TMEM201: variants seen among roughly 807,000 people sequenced by gnomAD.
The protein encoded by TMEM201 is RP13-15M17.2.
A neutral mutation model predicts 63.4 loss-of-function variants in TMEM201; 26 were observed. The observed-to-expected ratio is 0.41, with a 90% confidence interval of 0.30 to 0.57. The LOEUF is 0.57. Among genes scored for constraint, TMEM201 ranks in the 20% least tolerant of loss-of-function variants. TMEM201 has a pLI of 0.29. For missense variants in TMEM201, 794 were observed against 917.7 expected (o/e 0.87, Z 1.74); for synonymous variants, 417 against 421.6 (o/e 0.99, Z 0.14).
rs964228430 is a variant in TMEM201 at position 9,614,282 on chromosome 1, T to C, written c.*1199T>C. 7 of 152,058 alleles carry C rather than the reference T, an allele frequency of 4.6e-5. No homozygotes were observed. The highest frequency in any genetic ancestry group is 1.0e-4 in the Non-Finnish European group (7 of 68,006). The allele number at this position is 152,058 out of a possible 1,614,324, so 9.4% of individuals were successfully genotyped here. A position where few individuals can be genotyped will look rare whatever the true frequency, so the allele number is the denominator to read the frequency against. Reference sequence around the variant, plus strand: ...CATTCAGGGATAAAGTTTAATTTTATTTTTCTACACATTTTGCCAGGTCAG... The same window carrying C: ...CATTCAGGGATAAAGTTTAATTTTACTTTTCTACACATTTTGCCAGGTCAG... On this transcript the variant is annotated 3_prime_UTR_variant, in exon 11 of 11. Coordinates refer to ENST00000340381, the MANE Select transcript of TMEM201 (RefSeq NM_001130924.3).
intron 7 of TMEM201, 88 bp from the exon 8 acceptor site, chr1:9,609,751 GC>G: frequency 7.8e-7 from 1 of 1,289,996 alleles, no homozygotes; most frequent in East Asian, 2.5e-5. Context: ...AAGAGCAAAG[GC>G]TGGATTGGGA....
At chr1:9,602,427 C>A in intron 6 of TMEM201, 155 bp downstream of exon 6, 1 of 1,458,942 alleles carries the variant, frequency 6.9e-7, no homozygotes, top group South Asian at 1.4e-5. Context: ...GGCCCAGTCC[C>A]TCCACTGCCT....
chr1:9,604,400 A>G lies in TMEM201; in HGVS notation c.1160+2128A>G, dbSNP rs1644205402. The stretch of plus-strand genomic sequence containing the variant: ...CCTGCCTTTCGTAGAGTTTTGTGTG[A>G]CTTTTTAAATTATTCATGTGTCCCT... On this transcript the variant is annotated intron_variant, in intron 6 of 10. Coordinates refer to ENST00000340381, the MANE Select transcript of TMEM201 (RefSeq NM_001130924.3). The surrounding 1 kb of genome is among the most constrained non-coding windows in gnomAD (Gnocchi z 4.1). 1.0e-6 allele frequency: 1 copy of G among 985,190 alleles called. No homozygotes were observed. The highest frequency in any genetic ancestry group is 6.2e-5 in the Admixed American group (1 of 16,260). 61.0% of individuals were successfully genotyped at this position (985,190 alleles called of 1,614,324 possible).
Position 9,607,784 on chromosome 1 carries a change from G to A in TMEM201, c.1388G>A (p.Arg463Gln), listed in dbSNP as rs951260016. The A allele has an allele frequency of 3.0e-5, 47 of 1,551,326 alleles. No individual in the cohort carries two copies. The highest frequency in any genetic ancestry group is 3.9e-5 in the Non-Finnish European group (45 of 1,146,984). ...CTGGGAACCATACCCTCTCTGACTC[G>A]AGCAGGTAAGGGGTGCCCAGGCATT... ...LSLGTIPSLT[R>Q]ADSGYLFSGS... is the part of the protein sequence containing the mutation. Residue 463 changes from arginine (R) to glutamine (Q), a missense_variant, in exon 7 of 11, where the codon CGA becomes CAA. Physicochemically the swap from Arg to Gln is conservative, Grantham distance 43 (BLOSUM62 1). Transcript: ENST00000340381. This position sits in a 1 kb window ranked among gnomAD's most constrained non-coding sequence, Gnocchi z 5.4.
At position 9,603,202 on chromosome 1, in the gene TMEM201, G is replaced by A. The variant is rs1644180046; in HGVS notation, c.1160+930G>A. ...CTCTGTCCTCCGACTCAGGTGAGGG[G>A]GCAGCCCACAGACCTGCTCCTCAGT... On this transcript the variant is annotated intron_variant, in intron 6 of 10. Transcript: ENST00000340381. This position sits in a 1 kb window ranked among gnomAD's most constrained non-coding sequence, Gnocchi z 4.5. The A allele has an allele frequency of 1.0e-6, 1 of 985,362 alleles. No individual in the cohort carries two copies. 61.0% of individuals were successfully genotyped at this position (985,362 alleles called of 1,614,324 possible). A position where few individuals can be genotyped will look rare whatever the true frequency, so the allele number is the denominator to read the frequency against.
At position 9,602,139 on chromosome 1, in the gene TMEM201, C is replaced by T; in HGVS notation, c.1027C>T (p.His343Tyr). 6.2e-7 allele frequency: 1 copy of T among 1,612,994 alleles called. No homozygotes were observed. The highest frequency in any genetic ancestry group is 8.5e-7 in the Non-Finnish European group (1 of 1,179,994). ...GCTGGGGCTGCACCTGGCTGAGCAG[C>T]ACCTGCAGGCCGCCTCGCCTAGCTG... The part of the protein sequence containing the change: ...LLLGLHLAEQ[H>Y]LQAASPSWLD... The change falls in exon 6 of 11, where the codon CAC becomes TAC. Residue 343 changes from histidine to tyrosine, a missense_variant. By Grantham distance (83) the His-to-Tyr change is moderately conservative. Coordinates refer to ENST00000340381, the MANE Select transcript of TMEM201 (RefSeq NM_001130924.3).
At chr1:9,590,005 G>A (rs1165411057) in intron 1 of TMEM201, among the ~76,000 whole-genome samples, 2 of 152,182 alleles carry the variant, frequency 1.3e-5, no homozygotes, top group Non-Finnish European at 2.9e-5. Flanking sequence ...AACACATACC[G>A]GTGCTGCTTC....
intron 10 of TMEM201, among the ~76,000 whole-genome samples, chr1:9,612,333 A>T (rs1383760128): frequency 1.3e-5 from 2 of 152,176 alleles, no homozygotes; most frequent in East Asian, 3.9e-4. Flanking sequence ...TGCAGCCTGC[A>T]CCGGGTGCCG....
intron 1 of TMEM201, 32 bp from the exon 2 acceptor site, chr1:9,595,858 C>T: frequency 6.2e-7 from 1 of 1,611,152 alleles, no homozygotes; most frequent in Non-Finnish European, 8.5e-7. Flanking sequence ...CTGGGGTCTT[C>T]CAGGCCAACC....
At chr1:9,594,097 C>G (rs560463005) in intron 1 of TMEM201, among the ~76,000 whole-genome samples, 1 of 152,260 alleles carries the variant, frequency 6.6e-6, no homozygotes, top group Non-Finnish European at 1.5e-5. Flanking sequence ...CTGTAGGATC[C>G]TCACAGTGGC....
chr1:9,589,448 C>T (rs1569897792), intron 1 of TMEM201, among the ~76,000 whole-genome samples: 1 of 152,378 alleles, frequency 6.6e-6, no homozygotes, highest in East Asian at 1.9e-4. Context: ...CTACACGCCT[C>T]GCATCCGCGC....
rs2100535199 is a variant in TMEM201, at chr1:9,613,621, G to A, written c.*538G>A. 6.5e-6 allele frequency: 1 copy of A among 153,454 alleles called. No individual in the cohort carries two copies. Among genetic ancestry groups the A allele is most frequent in the East Asian group, 1.9e-4 (1 of 5,194 alleles). 9.5% of individuals were successfully genotyped at this position (153,454 alleles called of 1,614,324 possible). On this transcript the variant is annotated 3_prime_UTR_variant, in exon 11 of 11. Transcript: ENST00000340381. ...CTTGCCCCTTCCTGTGGAGTGGGCA[G>A]AAGGGCTCCCGGGATCCTCAGAGCT... is the stretch of plus-strand genomic sequence containing the variant.
Position 9,589,007 on chromosome 1 carries a change from C to A in TMEM201, c.77C>A (p.Ala26Asp). ...GGCGGCCTGGGGGTCACGGCGTGCG[C>A]CGCGGCCGGCGTGTTGCTCTACCGG... ...LAGGLGVTAC[A>D]AAGVLLYRIA... The change falls in exon 1 of 11, where the codon GCC becomes GAC. Residue 26 changes from alanine (A) to aspartate (D), a missense_variant. Physicochemically the swap from Ala to Asp is moderately radical, Grantham distance 126. Coordinates refer to ENST00000340381, the MANE Select transcript of TMEM201 (RefSeq NM_001130924.3). 1 of 1,178,700 alleles carries A rather than the reference C, an allele frequency of 8.5e-7. No homozygotes were observed. The highest frequency in any genetic ancestry group is 1.1e-6 in the Non-Finnish European group (1 of 947,990). The allele number at this position is 1,178,700 out of a possible 1,614,324, so 73.0% of individuals were successfully genotyped here.
In TMEM201 at chr1:9,610,787, G is replaced by A; in HGVS notation, c.1747G>A (p.Asp583Asn). Residue 583 changes from aspartate to asparagine, a missense_variant, in exon 9 of 11, where the codon GAC becomes AAC. By Grantham distance (23) the Asp-to-Asn change is conservative. Transcript: ENST00000340381. This position sits in a 1 kb window ranked among gnomAD's most constrained non-coding sequence, Gnocchi z 4.9. ...TGTTCCCCGGAAGCCGCCCCTGCAG[G>A]ACGTGAAGCACGCCCTGGGTACGGC... Reference protein sequence around the residue: ...PHVPRKPPLQDVKHALDLRSK... With the variant: ...PHVPRKPPLQNVKHALDLRSK... 1 of 1,543,840 alleles carries A rather than the reference G, an allele frequency of 6.5e-7. No individual in the cohort carries two copies. The highest frequency in any genetic ancestry group is 8.8e-7 in the Non-Finnish European group (1 of 1,142,088).
chr1:9,594,325 G>A (rs906602868), intron 1 of TMEM201, among the ~76,000 whole-genome samples: 2 of 152,196 alleles, frequency 1.3e-5, no homozygotes, highest in Non-Finnish European at 2.9e-5. Context: ...GCTTGGGCCT[G>A]TGCTGGGGCA....
At chr1:9,600,937 C>T (rs1003028573) in intron 4 of TMEM201, among the ~76,000 whole-genome samples, 168 bp from the exon 5 acceptor site, 16 of 152,098 alleles carry the variant, frequency 1.1e-4, no homozygotes, top group African/African-American at 2.7e-4. Flanking sequence ...CACTCCTCCC[C>T]GCCCAGAAGT....
intron 4 of TMEM201, 31 bp from the exon 5 acceptor site, chr1:9,601,074 T>C: frequency 1.3e-6 from 2 of 1,551,378 alleles, no homozygotes; most frequent in Non-Finnish European, 1.8e-6. Flanking sequence ...TGTGGCCGTC[T>C]CACTAACCCG....
rs1644261776 is a variant in TMEM201 at position 9,607,445 on chromosome 1, C to T, written c.1161-112C>T. On this transcript the variant is annotated intron_variant, in intron 6 of 10. Coordinates refer to ENST00000340381, the MANE Select transcript of TMEM201 (RefSeq NM_001130924.3). This position sits in a 1 kb window ranked among gnomAD's most constrained non-coding sequence, Gnocchi z 5.4. ...CTAACGCACGCCTCCTCTGGGACCC[C>T]AGCTGAGGCCCCCACCTTGCACTGT... 2 of 792,996 alleles carry T rather than the reference C, an allele frequency of 2.5e-6. No individual in the cohort carries two copies. The highest frequency in any genetic ancestry group is 3.9e-6 in the Non-Finnish European group (2 of 510,260). The allele number at this position is 792,996 out of a possible 1,614,324, so 49.1% of individuals were successfully genotyped here. A position where few individuals can be genotyped will look rare whatever the true frequency, so the allele number is the denominator to read the frequency against.
rs1644214518 is a variant in TMEM201 at position 9,604,881 on chromosome 1, C to G, written c.1160+2609C>G. 4.1e-6 allele frequency: 4 copies of G among 985,816 alleles called. No individual in the cohort carries two copies. The highest frequency in any genetic ancestry group is 1.7e-5 in the African/African-American group (1 of 57,250). The allele number at this position is 985,816 out of a possible 1,614,324, so 61.1% of individuals were successfully genotyped here. A position where few individuals can be genotyped will look rare whatever the true frequency, so the allele number is the denominator to read the frequency against. On this transcript the variant is annotated intron_variant, in intron 6 of 10. Coordinates refer to ENST00000340381, the MANE Select transcript of TMEM201 (RefSeq NM_001130924.3). This position sits in a 1 kb window ranked among gnomAD's most constrained non-coding sequence, Gnocchi z 4.1. ...GTGACCCTCTCATCACTGTAACCAT[C>G]GCGCCTGGCCTAGATGTCGTGTTTT...
Sources: allele counts gnomAD v4.1 joint callset (sites outside exome capture counted in the v4.1 genomes callset), GRCh38; gene constraint gnomAD v4.1.1; non-coding constraint Gnocchi (gnomAD v3.1); transcripts MANE v1.5; gene names NCBI Gene and HGNC (gene_info 2026-07-23, HGNC 2026-07-21).